The following ZBTB20 variants were observed in gnomAD, a reference collection of about 807,000 sequenced individuals.
ZBTB20 encodes zinc finger and BTB domain-containing protein 20.
ZBTB20 carries 9 observed loss-of-function variants against 56.9 expected under a neutral mutation model. That is an observed-to-expected ratio of 0.16 (90% CI 0.10 to 0.28). The LOEUF (loss-of-function observed/expected upper bound fraction) is 0.28. ZBTB20 is among the 10% of genes least tolerant of loss of function. The pLI is 1.00. For synonymous variants in ZBTB20, 417 were observed against 420.7 expected (o/e 0.99, Z 0.11); for missense variants, 655 against 1,003.0 (o/e 0.65, Z 4.69).
chr3:114,438,348 T>C (rs973290603), intron 7 of ZBTB20, among the ~76,000 whole-genome samples: 2 of 150,030 alleles, frequency 1.3e-5, no homozygotes, highest in Non-Finnish European at 3.0e-5. Context: ...CCTATTTTAA[T>C]GATCCAATAA....
chr3:114,391,670 T>C (rs1374923596), intron 7 of ZBTB20, among the ~76,000 whole-genome samples: 1 of 152,210 alleles, frequency 6.6e-6, no homozygotes, highest in Non-Finnish European at 1.5e-5. Context: ...AGGCTGATAA[T>C]CTGCTGAACT....
At chr3:114,958,749 G>A (rs573902487) in intron 3 of ZBTB20, among the ~76,000 whole-genome samples, 99 of 151,984 alleles carry the variant, frequency 6.5e-4, no homozygotes, top group African/African-American at 2.2e-3. Flanking sequence ...TCAGGAGGCT[G>A]AGGCAGGAGA....
intron 5 of ZBTB20, among the ~76,000 whole-genome samples, chr3:114,703,544 T>C (rs1363278152): frequency 6.6e-6 from 1 of 152,046 alleles, no homozygotes; most frequent in Non-Finnish European, 1.5e-5. Context: ...ATGAGCAAGA[T>C]ATAACTTGCA....
At chr3:114,684,735 T>G (rs953608581) in intron 6 of ZBTB20, 1 of 151,798 alleles carries the variant, frequency 6.6e-6, no homozygotes, top group Non-Finnish European at 1.5e-5. Context: ...AGGAGAGGAG[T>G]TGATAAACCC....
At position 114,324,196 on chromosome 3, in the gene ZBTB20, T is replaced by G. The variant is rs952846962; in HGVS notation, c.*14809A>C. 2 of 152,204 alleles carry G rather than the reference T, an allele frequency of 1.3e-5. No individual in the cohort carries two copies. Among genetic ancestry groups the G allele is most frequent in the African/African-American group, 4.8e-5 (2 of 41,444 alleles). The allele number at this position is 152,204 out of a possible 1,614,324, so 9.4% of individuals were successfully genotyped here. A position where few individuals can be genotyped will look rare whatever the true frequency, so the allele number is the denominator to read the frequency against. ...AGTCTAGTTAAAATCAAGGGTATTA[T>G]TTAGAAGAGGAAAACAGCTATTTAA... On this transcript the variant is annotated 3_prime_UTR_variant, in exon 12 of 12. Coordinates refer to ENST00000675478, the MANE Select transcript of ZBTB20 (RefSeq NM_001348800.3).
At chr3:114,387,526 A>G (rs1409258839) in intron 8 of ZBTB20, 4 of 152,212 alleles carry the variant, frequency 2.6e-5, no homozygotes, top group Admixed American at 6.5e-5. Flanking sequence ...ATCTGTAGGC[A>G]ACATCAGCTC....
At chr3:114,377,375 C>G (rs2083767743) in intron 10 of ZBTB20, among the ~76,000 whole-genome samples, 1 of 152,200 alleles carries the variant, frequency 6.6e-6, no homozygotes, top group Non-Finnish European at 1.5e-5. Flanking sequence ...CATATCTCAA[C>G]TATATTTCTT....
intron 7 of ZBTB20, among the ~76,000 whole-genome samples, chr3:114,498,258 T>C (rs1222063910): frequency 6.6e-6 from 1 of 152,138 alleles, no homozygotes; most frequent in East Asian, 1.9e-4. Flanking sequence ...GGGAAATTCT[T>C]GGGGGAACAT....
intron 6 of ZBTB20, among the ~76,000 whole-genome samples, chr3:114,660,769 C>T (rs371508591): frequency 1.6e-4 from 25 of 151,976 alleles, no homozygotes; most frequent in African/African-American, 5.1e-4. Context: ...TAGGGATCAG[C>T]ATTTTTTTCA....
intron 7 of ZBTB20, among the ~76,000 whole-genome samples, chr3:114,494,909 G>A (rs1234139068): frequency 2.0e-5 from 3 of 152,144 alleles, no homozygotes; most frequent in South Asian, 2.1e-4. Flanking sequence ...GGGCCCCCTC[G>A]AAGATTCCAA....
intron 2 of ZBTB20, among the ~76,000 whole-genome samples, chr3:114,979,553 C>T (rs575642987): frequency 2.0e-5 from 3 of 151,752 alleles, no homozygotes; most frequent in Non-Finnish European, 4.4e-5. Flanking sequence ...CCAATGAGTA[C>T]AAAATGAATA....
chr3:114,771,288 A>C lies in ZBTB20; in HGVS notation c.-343+29813T>G, dbSNP rs151232812. Among the ~76,000 whole-genome samples, 131 of 152,318 alleles carry C rather than the reference A, an allele frequency of 8.6e-4. 1 individual carries two copies. Among genetic ancestry groups the C allele is most frequent in the Middle Eastern group, 3.4e-3 (1 of 294 alleles). ...AGAACATACTTTGAGAAAAAAATAT[A>C]AACATACATATATCTGACTTCAACT... is the stretch of plus-strand genomic sequence containing the variant. On this transcript the variant is annotated intron_variant, in intron 5 of 11. Transcript: ENST00000675478.
chr3:114,588,155 A>G (rs1271222272), intron 6 of ZBTB20, among the ~76,000 whole-genome samples: 3 of 152,098 alleles, frequency 2.0e-5, no homozygotes, highest in African/African-American at 7.2e-5. Context: ...AGGTGGGGGA[A>G]GGGGCGGACA....
intron 2 of ZBTB20, among the ~76,000 whole-genome samples, chr3:115,051,689 G>A (rs1399161415): frequency 6.6e-6 from 1 of 152,064 alleles, no homozygotes; most frequent in East Asian, 1.9e-4. Flanking sequence ...ACAAATTTCA[G>A]CAAGTTCTTT....
chr3:115,116,258 T>C (rs529573466), intron 1 of ZBTB20, among the ~76,000 whole-genome samples: 1 of 152,178 alleles, frequency 6.6e-6, no homozygotes, highest in South Asian at 2.1e-4. Flanking sequence ...TGCTCTGATA[T>C]TGCCCAGCTC....
At chr3:114,931,100 G>A in intron 3 of ZBTB20, 2 of 170,154 alleles carry the variant, frequency 1.2e-5, no homozygotes, top group East Asian at 1.8e-4. Context: ...GAGACCCTAC[G>A]GAAATTGACC....
chr3:114,978,729 A>T (rs2078209637), intron 2 of ZBTB20, among the ~76,000 whole-genome samples: 2 of 151,678 alleles, frequency 1.3e-5, no homozygotes, highest in African/African-American at 4.8e-5. Flanking sequence ...ACTGTAAAAA[A>T]CTTAAACTAC....
rs542426961 is a variant in ZBTB20 at position 114,613,213 on chromosome 3, A to T, written c.-295+80315T>A. Among the ~76,000 whole-genome samples the T allele has an allele frequency of 2.6e-5, 4 of 152,294 alleles. No individual in the cohort carries two copies. The South Asian group carries it at 8.3e-4, about 32-fold the overall frequency. On this transcript the variant is annotated intron_variant, in intron 6 of 11. Coordinates refer to ENST00000675478, the MANE Select transcript of ZBTB20 (RefSeq NM_001348800.3). Reference sequence around the variant, plus strand: ...TGGTATTAAGGGTTTTGTATTAGGCAAGAAGACAAAAATAATTAAAAGAGT... The same window carrying T: ...TGGTATTAAGGGTTTTGTATTAGGCTAGAAGACAAAAATAATTAAAAGAGT...
intron 6 of ZBTB20, among the ~76,000 whole-genome samples, chr3:114,589,195 G>C (rs986096628): frequency 1.3e-5 from 2 of 152,114 alleles, no homozygotes; most frequent in African/African-American, 4.8e-5. Flanking sequence ...AATCCCCCCA[G>C]TGCGTCTAGT....
Sources: allele counts gnomAD v4.1 joint callset (sites outside exome capture counted in the v4.1 genomes callset), GRCh38; gene constraint gnomAD v4.1.1; transcripts MANE v1.5; gene names NCBI Gene and HGNC (gene_info 2026-07-23, HGNC 2026-07-21).